Variants in ADAMTS12 observed in about 807,000 individuals in gnomAD.
ADAMTS12 encodes ADAM metallopeptidase with thrombospondin type 1 motif 12.
Under a neutral mutation model 167.8 loss-of-function variants are expected in ADAMTS12, and 118 were observed. The ratio of observed to expected loss-of-function variants is 0.70; its 90% CI spans 0.61 to 0.82. ADAMTS12 has a LOEUF of 0.82. ADAMTS12 is among the 40% of genes least tolerant of loss of function. The probability of loss-of-function intolerance (pLI) is 0.00; values close to 1 mark genes in which losing one functional copy is unlikely to be tolerated. For missense variants in ADAMTS12, 1,916 were observed against 1,998.8 expected, an observed-to-expected ratio of 0.96 and a Z score of 0.79; for synonymous variants, 704 against 716.9, an observed-to-expected ratio of 0.98 and a Z score of 0.29.
chr5:33,869,446 G>T (rs762818019), intron 2 of ADAMTS12, among the ~76,000 whole-genome samples: 3 of 152,036 alleles, frequency 2.0e-5, no homozygotes, highest in Non-Finnish European at 2.9e-5. Context: ...AATGCAGAGG[G>T]GAAATGTGTG....
At chr5:33,616,223 A>C in intron 14 of ADAMTS12, 151 bp from the exon 15 acceptor site, 2 of 1,063,998 alleles carry the variant, frequency 1.9e-6, no homozygotes, top group Non-Finnish European at 2.6e-6. Flanking sequence ...AGCACTACTT[A>C]TGGGGGATTT....
intron 18 of ADAMTS12, among the ~76,000 whole-genome samples, chr5:33,582,365 C>G (rs1230547606): frequency 1.3e-5 from 2 of 152,196 alleles, no homozygotes; most frequent in Admixed American, 1.3e-4. Context: ...AGGTGGCCAG[C>G]CCCACAGGAG....
At chr5:33,546,292 T>G (rs766830653) in intron 21 of ADAMTS12, 90 bp from the exon 22 acceptor site, 11 of 1,272,624 alleles carry the variant, frequency 8.6e-6, no homozygotes, top group African/African-American at 3.0e-5. Flanking sequence ...ATTTTTGTTA[T>G]GTACAGTGTT....
chr5:33,748,952 G>T (rs1365275773), intron 3 of ADAMTS12, among the ~76,000 whole-genome samples: 1 of 152,130 alleles, frequency 6.6e-6, no homozygotes, highest in Non-Finnish European at 1.5e-5. Flanking sequence ...GCAATTCTTG[G>T]ATCTCTAGCT....
chr5:33,679,354 T>C (rs1425948369), intron 5 of ADAMTS12, among the ~76,000 whole-genome samples: 1 of 152,192 alleles, frequency 6.6e-6, no homozygotes, highest in Non-Finnish European at 1.5e-5. Context: ...AGAGGTTTAA[T>C]TGGCTCACAG....
At chr5:33,768,200 C>T (rs1745613550) in intron 2 of ADAMTS12, among the ~76,000 whole-genome samples, 1 of 152,204 alleles carries the variant, frequency 6.6e-6, no homozygotes, top group Non-Finnish European at 1.5e-5. Context: ...ACTGATGTTG[C>T]TCCTGGCCTC....
At chr5:33,573,330 C>T (rs1230552526) in intron 19 of ADAMTS12, among the ~76,000 whole-genome samples, 46 of 152,296 alleles carry the variant, frequency 3.0e-4, no homozygotes, top group African/African-American at 6.3e-4. Context: ...AGAGGCATCA[C>T]GCTACCTGAC....
At chr5:33,676,061 AT>A (rs1033138429) in intron 5 of ADAMTS12, among the ~76,000 whole-genome samples, 4 of 151,712 alleles carry the variant, frequency 2.6e-5, no homozygotes, top group African/African-American at 7.3e-5. Context: ...CTTTTTGTTT[AT>A]TTTTTTTCAC....
chr5:33,648,711 C>CT, intron 9 of ADAMTS12, 111 bp downstream of exon 9: 6 of 1,333,038 alleles, frequency 4.5e-6, no homozygotes, highest in Non-Finnish European at 6.2e-6. Context: ...AAATATAAAG[C>CT]TTCTATTTCT....
chr5:33,718,218 T>C (rs1743680799), intron 3 of ADAMTS12, among the ~76,000 whole-genome samples: 1 of 152,246 alleles, frequency 6.6e-6, no homozygotes, highest in Non-Finnish European at 1.5e-5. Context: ...TTAGATTTTG[T>C]ATGAGAACAT....
At chr5:33,888,722 G>A (rs1229436182) in intron 1 of ADAMTS12, among the ~76,000 whole-genome samples, 10 of 152,162 alleles carry the variant, frequency 6.6e-5, no homozygotes, top group Admixed American at 6.5e-4. Flanking sequence ...CAGCATAGGG[G>A]TAAACAAACC....
At chr5:33,864,677 A>C (rs1015353841) in intron 2 of ADAMTS12, among the ~76,000 whole-genome samples, 2 of 152,226 alleles carry the variant, frequency 1.3e-5, no homozygotes, top group African/African-American at 4.8e-5. Flanking sequence ...GGATTAGTTC[A>C]TGTCCTTTGC....
chr5:33,713,152 T>A (rs1272742807), intron 3 of ADAMTS12, among the ~76,000 whole-genome samples: 1 of 152,142 alleles, frequency 6.6e-6, no homozygotes, highest in Non-Finnish European at 1.5e-5. Context: ...TGGTTCATAA[T>A]GTGAAATGCA....
chr5:33,588,461 A>G, intron 18 of ADAMTS12, 138 bp downstream of exon 18: 2 of 990,694 alleles, frequency 2.0e-6, no homozygotes, highest in East Asian at 4.8e-5. Context: ...CAGGAAAGGC[A>G]GGAGACAGGC....
chr5:33,682,624 T>C (rs1561212179), intron 5 of ADAMTS12, among the ~76,000 whole-genome samples: 1 of 152,198 alleles, frequency 6.6e-6, no homozygotes, highest in African/African-American at 2.4e-5. Context: ...TCTGAGAGGC[T>C]TGTGTTAAAT....
intron 22 of ADAMTS12, among the ~76,000 whole-genome samples, chr5:33,536,628 G>A (rs919912173): frequency 2.0e-5 from 3 of 151,898 alleles, no homozygotes; most frequent in African/African-American, 7.3e-5. Flanking sequence ...TCCAAAGGCT[G>A]GCCTGGTAGG....
intron 5 of ADAMTS12, among the ~76,000 whole-genome samples, chr5:33,667,317 C>CAAAA (rs5867201): frequency 3.1e-4 from 24 of 78,354 alleles, no homozygotes; most frequent in African/African-American, 5.0e-4. Context: ...GACTCTGTCT[C>CAAAA]AAAAAAAAAA....
intron 22 of ADAMTS12, among the ~76,000 whole-genome samples, chr5:33,539,967 C>T (rs1324449334): frequency 6.6e-6 from 1 of 152,152 alleles, no homozygotes; most frequent in Non-Finnish European, 1.5e-5. Context: ...TGCAGCTGTC[C>T]CTGCACCATG....
At chr5:33,652,786 C>G (rs1740913235) in intron 7 of ADAMTS12, among the ~76,000 whole-genome samples, 1 of 152,042 alleles carries the variant, frequency 6.6e-6, no homozygotes, top group South Asian at 2.1e-4. Flanking sequence ...GAGTTAGTTT[C>G]TGTATGTGGT....
Sources: gnomAD v4.1 joint callset for allele counts (sites outside exome capture counted in the v4.1 genomes callset) on GRCh38, gnomAD v4.1.1 for gene constraint, MANE v1.5 for transcripts, NCBI Gene and HGNC (gene_info 2026-07-23, HGNC 2026-07-21) for gene names.